Variants in TTC7B observed in about 807,000 individuals in gnomAD.
The protein encoded by TTC7B is tetratricopeptide repeat domain 7B, also known as tetratricopeptide repeat protein 7B.
A neutral mutation model predicts 106.8 loss-of-function variants in TTC7B; 28 were observed. That is an observed-to-expected ratio of 0.26 (90% CI 0.19 to 0.36). The LOEUF is 0.36. Among genes scored for constraint, TTC7B ranks in the 10% least tolerant of loss-of-function variants. TTC7B has a pLI of 1.00. For missense variants in TTC7B, 862 were observed against 1,076.4 expected, an observed-to-expected ratio of 0.80 and a Z score of 2.79; for synonymous variants, 405 against 430.6, an observed-to-expected ratio of 0.94 and a Z score of 0.74.
At chr14:90,682,862 A>G (rs748847750) in intron 7 of TTC7B, among the ~76,000 whole-genome samples, 27 of 152,204 alleles carry the variant, frequency 1.8e-4, no homozygotes, top group Non-Finnish European at 3.7e-4. Context: ...CCATGCCACC[A>G]ACTCACTGGG....
At chr14:90,613,538 GGCAAGGA>G (rs752995630) in intron 16 of TTC7B, among the ~76,000 whole-genome samples, 3 of 152,194 alleles carry the variant, frequency 2.0e-5, no homozygotes, top group Non-Finnish European at 4.4e-5. Flanking sequence ...CAGGACAAGG[GGCAAGGA>G]GAGGCCTTGA....
intron 17 of TTC7B, chr14:90,605,479 G>C (rs1004201090): frequency 1.1e-6 from 1 of 925,526 alleles, no homozygotes; most frequent in African/African-American, 1.8e-5. Context: ...AAATGAGCAA[G>C]ATTTCTCTCT....
chr14:90,779,393 TC>T (rs1891137545), intron 3 of TTC7B, among the ~76,000 whole-genome samples: 1 of 152,226 alleles, frequency 6.6e-6, no homozygotes, highest in Non-Finnish European at 1.5e-5. Flanking sequence ...AACCTCTGCC[TC>T]CCGGGTTTCC....
chr14:90,712,682 T>C lies in TTC7B; in HGVS notation c.699-17104A>G, dbSNP rs1000685917. On this transcript the variant is annotated intron_variant, in intron 5 of 19. Transcript: ENST00000328459. Reference sequence around the variant, plus strand: ...TTTGCTACTGTGAATCTGGCAATTCTGCCCAAATTGATCTAAAGATTCAGT... The same window carrying C: ...TTTGCTACTGTGAATCTGGCAATTCCGCCCAAATTGATCTAAAGATTCAGT... Among the ~76,000 whole-genome samples the C allele has an allele frequency of 3.9e-4, 60 of 152,032 alleles. 2 individuals are homozygous for C. The highest frequency in any genetic ancestry group is 3.9e-3 in the Admixed American group (60 of 15,262).
chr14:90,746,603 T>C (rs1048749681), intron 3 of TTC7B, among the ~76,000 whole-genome samples: 2 of 152,204 alleles, frequency 1.3e-5, no homozygotes, highest in Non-Finnish European at 2.9e-5. Flanking sequence ...CTTTATTATG[T>C]CCTTTCTTCT....
chr14:90,659,213 T>TTGTGTGTG (rs148678143), intron 9 of TTC7B, among the ~76,000 whole-genome samples: 2,661 of 146,628 alleles, frequency 0.018, 65 homozygotes, highest in African/African-American at 0.063. Context: ...ACGAGTGTGA[T>TTGTGTGTG]TGTGTGTGTG....
chr14:90,692,633 G>A (rs1034145007), intron 6 of TTC7B, among the ~76,000 whole-genome samples: 3 of 152,200 alleles, frequency 2.0e-5, no homozygotes, highest in East Asian at 1.9e-4. Context: ...AAACAATTAC[G>A]AAAACACTTG....
At chr14:90,790,221 G>T (rs892329713) in intron 1 of TTC7B, among the ~76,000 whole-genome samples, 1 of 151,400 alleles carries the variant, frequency 6.6e-6, no homozygotes, top group Non-Finnish European at 1.5e-5. Flanking sequence ...ATAAGATTTG[G>T]GATAATTTTT....
chr14:90,783,859 C>A (rs940881089), intron 2 of TTC7B, among the ~76,000 whole-genome samples: 12 of 151,852 alleles, frequency 7.9e-5, no homozygotes, highest in Admixed American at 3.3e-4. Context: ...ATTGCTTGAA[C>A]CTGGGAGGTG....
chr14:90,613,669 C>T (rs1892958695), intron 16 of TTC7B, among the ~76,000 whole-genome samples: 1 of 152,224 alleles, frequency 6.6e-6, no homozygotes, highest in Admixed American at 6.5e-5. Flanking sequence ...TGTGAACCAC[C>T]CATTTCCTCC....
At position 90,534,566 on chromosome 14, in the gene TTC7B, C is replaced by G. The variant is rs1279657911; in HGVS notation, c.*6802G>C. The G allele has an allele frequency of 6.6e-6, 1 of 152,468 alleles. No homozygotes were observed. The highest frequency in any genetic ancestry group is 2.4e-5 in the African/African-American group (1 of 41,448). The allele number at this position is 152,468 out of a possible 1,614,324, so 9.4% of individuals were successfully genotyped here. ...AGTGGTGTCCCCTCACTGGGCAATG[C>G]CCACCCTGTCGGCCTTGAGAGGTGG... On this transcript the variant is annotated 3_prime_UTR_variant, in exon 20 of 20. Coordinates refer to ENST00000328459, the MANE Select transcript of TTC7B (RefSeq NM_001010854.2).
At chr14:90,660,068 G>C (rs1184960906) in intron 9 of TTC7B, among the ~76,000 whole-genome samples, 1 of 152,014 alleles carries the variant, frequency 6.6e-6, no homozygotes, top group East Asian at 1.9e-4. Flanking sequence ...GAAAAGAAAA[G>C]AATAATGGCA....
chr14:90,716,320 G>A (rs749658618), intron 5 of TTC7B, among the ~76,000 whole-genome samples: 1 of 152,204 alleles, frequency 6.6e-6, no homozygotes, highest in Non-Finnish European at 1.5e-5. Context: ...CAGACACTGA[G>A]GATGATCAGG....
Position 90,657,365 on chromosome 14 carries a change from GGT to G in TTC7B, c.1237-89_1237-88del. Reference sequence around the variant, plus strand: ...CCTTCTCAGAGGGGTTTTTGGTCAGGGTGACCTCCTCGTGGGCTTGTCCAACT... The same window carrying G: ...CCTTCTCAGAGGGGTTTTTGGTCAGGGACCTCCTCGTGGGCTTGTCCAACT... On this transcript the variant is annotated intron_variant, in intron 10 of 19. Coordinates refer to ENST00000328459, the MANE Select transcript of TTC7B (RefSeq NM_001010854.2). This position sits in a 1 kb window ranked among gnomAD's most constrained non-coding sequence, Gnocchi z 4.2. The G allele has an allele frequency of 1.5e-6, 2 of 1,318,594 alleles. No individual in the cohort carries two copies. Among genetic ancestry groups the G allele is most frequent in the Non-Finnish European group, 2.1e-6 (2 of 949,976 alleles). 81.7% of individuals were successfully genotyped at this position (1,318,594 alleles called of 1,614,324 possible).
chr14:90,756,263 T>C (rs936346284), intron 3 of TTC7B, among the ~76,000 whole-genome samples: 17 of 152,168 alleles, frequency 1.1e-4, no homozygotes, highest in African/African-American at 4.1e-4. Context: ...GGCAGCACTC[T>C]GGGCTAGGGG....
At chr14:90,763,593 T>G (rs1359679880) in intron 3 of TTC7B, among the ~76,000 whole-genome samples, 2 of 152,138 alleles carry the variant, frequency 1.3e-5, no homozygotes, top group Non-Finnish European at 2.9e-5. Flanking sequence ...TGCCATGATC[T>G]TACATATTTT....
At position 90,775,343 on chromosome 14, in the gene TTC7B, T is replaced by C. The variant is rs368414875; in HGVS notation, c.445+5395A>G. Among the ~76,000 whole-genome samples the C allele has an allele frequency of 3.9e-4, 60 of 152,234 alleles. No homozygotes were observed. In the South Asian group the frequency reaches 0.012, roughly 31 times the overall value. On this transcript the variant is annotated intron_variant, in intron 3 of 19. Coordinates refer to ENST00000328459, the MANE Select transcript of TTC7B (RefSeq NM_001010854.2). ...CCATTCCCTGCACAACCCTGTAAGG[T>C]AGATATTATTATTATCTCCATTTAC...
chr14:90,621,357 C>T (rs1184709264), intron 15 of TTC7B, among the ~76,000 whole-genome samples: 3 of 146,552 alleles, frequency 2.0e-5, no homozygotes, highest in Admixed American at 6.8e-5. Context: ...ACGGCCGGGA[C>T]GATGGGCAGA....
At position 90,663,973 on chromosome 14, in the gene TTC7B, T is replaced by C. The variant is rs2401899; in HGVS notation, c.1153-5586A>G. The stretch of plus-strand genomic sequence containing the variant: ...TATAACATGTCCTCCCCTATGTTTC[T>C]GTAAACATGAAGATTACATAAACCC... On this transcript the variant is annotated intron_variant, in intron 9 of 19. Coordinates refer to ENST00000328459, the MANE Select transcript of TTC7B (RefSeq NM_001010854.2). This position sits in a 1 kb window ranked among gnomAD's most constrained non-coding sequence, Gnocchi z 4.5. 0.87 allele frequency among the ~76,000 whole-genome samples: 131,985 copies of C among 152,140 alleles called. 57,398 individuals are homozygous for C. Among genetic ancestry groups the C allele is most frequent in the East Asian group, 0.98 (5,057 of 5,162 alleles).
Sources: gnomAD v4.1 joint callset for allele counts (sites outside exome capture counted in the v4.1 genomes callset) on GRCh38, gnomAD v4.1.1 for gene constraint, Gnocchi (gnomAD v3.1) non-coding constraint, MANE v1.5 for transcripts, NCBI Gene and HGNC (gene_info 2026-07-23, HGNC 2026-07-21) for gene names.